ZBTB1: variants seen among roughly 807,000 people sequenced by gnomAD.
ZBTB1 encodes the protein zinc finger and BTB domain-containing protein 1.
A neutral mutation model predicts 51.6 loss-of-function variants in ZBTB1; 13 were observed. The ratio of observed to expected loss-of-function variants is 0.25; its 90% CI spans 0.16 to 0.40. ZBTB1 has a LOEUF of 0.40. ZBTB1 is among the 10% of genes least tolerant of loss of function. The pLI, the probability that ZBTB1 is intolerant of heterozygous loss-of-function variation, is 1.00. For synonymous variants in ZBTB1, 240 were observed against 282.2 expected (o/e 0.85, Z 1.50); for missense variants, 567 against 856.5 (o/e 0.66, Z 4.22).
chr14:64,531,765 G>A (rs557871466), intron 2 of ZBTB1: 3 of 1,509,972 alleles, frequency 2.0e-6, no homozygotes, highest in South Asian at 2.3e-5. Flanking sequence ...TAGTGCCAAA[G>A]CCAAGAAATT....
At chr14:64,506,202 C>T (rs887030516) in intron 1 of ZBTB1, among the ~76,000 whole-genome samples, 6 of 152,158 alleles carry the variant, frequency 3.9e-5, no homozygotes, top group Non-Finnish European at 7.3e-5. Flanking sequence ...AACTGGATGA[C>T]TTTGGGAGCT....
chr14:64,520,420 T>C (rs2079848931), intron 1 of ZBTB1, among the ~76,000 whole-genome samples: 2 of 152,136 alleles, frequency 1.3e-5, no homozygotes, highest in Non-Finnish European at 2.9e-5. Context: ...GCTCAAGCCA[T>C]CCTCCTGCAT....
chr14:64,517,781 ATTT>A lies in ZBTB1; in HGVS notation c.-18-3686_-18-3684del, dbSNP rs10590459. Among the ~76,000 whole-genome samples the A allele has an allele frequency of 1.6e-3, 65 of 41,536 alleles. 1 individual carries two copies. In the South Asian group the frequency reaches 0.017, roughly 11 times the overall value. The allele number at this position is 41,536 out of a possible 152,430, so 27.2% of individuals were successfully genotyped here. A position where few individuals can be genotyped will look rare whatever the true frequency, so the allele number is the denominator to read the frequency against. ...AATATATATATATATATATATATATATTTTTTTTTTTTTTTTTTTTTTGAGACA... is the reference window on the plus strand; with the variant it reads ...AATATATATATATATATATATATATATTTTTTTTTTTTTTTTTTTGAGACA... On this transcript the variant is annotated intron_variant, in intron 1 of 1. Coordinates refer to ENST00000683701, the MANE Select transcript of ZBTB1 (RefSeq NM_001123329.2).
chr14:64,523,517 C>G lies in ZBTB1; in HGVS notation c.2013C>G (p.Phe671Leu). 6.3e-7 allele frequency: 1 copy of G among 1,598,816 alleles called. No individual in the cohort carries two copies. The highest frequency in any genetic ancestry group is 1.3e-5 in the African/African-American group (1 of 74,334). The change falls in exon 2 of 2, where the codon TTC becomes TTG. Residue 671 changes from phenylalanine (F) to leucine (L), a missense_variant. Phe to Leu is a conservative substitution (Grantham distance 22). Around this residue, in one of 5 missense-constraint regions of ZBTB1, gnomAD observed 69 missense variants for 171.8 expected, o/e 0.40. Coordinates refer to ENST00000683701, the MANE Select transcript of ZBTB1 (RefSeq NM_001123329.2). This position sits in a 1 kb window ranked among gnomAD's most constrained non-coding sequence, Gnocchi z 4.5. ...TATGCCAGGTCTGCTTTCAGATATTCCCAAATAATGAACAGTTGGAGCAGC... is the reference window on the plus strand; with the variant it reads ...TATGCCAGGTCTGCTTTCAGATATTGCCAAATAATGAACAGTTGGAGCAGC... Reference protein sequence around the residue: ...ETICQVCFQIFPNNEQLEQHM... With the variant: ...ETICQVCFQILPNNEQLEQHM...
chr14:64,528,560 C>T (rs185575640), downstream of ZBTB1, among the ~76,000 whole-genome samples: 19 of 152,118 alleles, frequency 1.2e-4, no homozygotes, highest in African/African-American at 4.3e-4. Flanking sequence ...CCTTGATAAC[C>T]TGAGGTGCAG....
rs140807884 is a variant in ZBTB1 at position 64,510,987 on chromosome 14, G to A, written c.-19+6041G>A. Among the ~76,000 whole-genome samples the A allele has an allele frequency of 9.5e-3, 1,443 of 152,286 alleles. 10 individuals carry two copies. Among genetic ancestry groups the A allele is most frequent in the Middle Eastern group, 0.037 (11 of 294 alleles). ...TGAGAAATATTTAATGGGAAAATTG[G>A]CAACACTTAATGGTTGATTATGAGG... On this transcript the variant is annotated intron_variant, in intron 1 of 1. Coordinates refer to ENST00000683701, the MANE Select transcript of ZBTB1 (RefSeq NM_001123329.2).
At position 64,524,022 on chromosome 14, in the gene ZBTB1, C is replaced by A; in HGVS notation, c.*376C>A. ...AGGTTATCCTGTGAAATTTTAAACCCAGAATCATTGGCCATTTCTGTTTAA... is the reference window on the plus strand; with the variant it reads ...AGGTTATCCTGTGAAATTTTAAACCAAGAATCATTGGCCATTTCTGTTTAA... On this transcript the variant is annotated 3_prime_UTR_variant, in exon 2 of 2. Coordinates refer to ENST00000683701, the MANE Select transcript of ZBTB1 (RefSeq NM_001123329.2). 1 of 1,003,134 alleles carries A rather than the reference C, an allele frequency of 1.0e-6. No homozygotes were observed. Among genetic ancestry groups the A allele is most frequent in the Non-Finnish European group, 1.2e-6 (1 of 832,436 alleles). 62.1% of individuals were successfully genotyped at this position (1,003,134 alleles called of 1,614,324 possible). A position where few individuals can be genotyped will look rare whatever the true frequency, so the allele number is the denominator to read the frequency against.
intron 1 of ZBTB1, among the ~76,000 whole-genome samples, chr14:64,511,731 G>C (rs896693602): frequency 3.9e-5 from 6 of 152,182 alleles, no homozygotes; most frequent in Non-Finnish European, 7.4e-5. Context: ...TGCAAGTAAA[G>C]AGACAGAAAA....
At chr14:64,527,642 C>T (rs572375942), downstream of ZBTB1, among the ~76,000 whole-genome samples, 112 of 151,294 alleles carry the variant, frequency 7.4e-4, no homozygotes, top group Middle Eastern at 3.4e-3. Flanking sequence ...CGTGGTGGCG[C>T]GCACCTGTAA....
At chr14:64,514,830 T>G (rs1012125550) in intron 1 of ZBTB1, among the ~76,000 whole-genome samples, 1 of 152,198 alleles carries the variant, frequency 6.6e-6, no homozygotes, top group African/African-American at 2.4e-5. Context: ...GTGCCATATA[T>G]AGAGGTTATT....
At chr14:64,511,779 T>G (rs1471395542) in intron 1 of ZBTB1, among the ~76,000 whole-genome samples, 1 of 152,220 alleles carries the variant, frequency 6.6e-6, no homozygotes, top group Admixed American at 6.5e-5. Flanking sequence ...TCCAAAAGCA[T>G]AACAGTCTGA....
intron 1 of ZBTB1, among the ~76,000 whole-genome samples, chr14:64,505,677 A>G (rs1414264600): frequency 3.3e-5 from 5 of 152,162 alleles, no homozygotes; most frequent in Admixed American, 3.3e-4. Flanking sequence ...TACCTAAGCA[A>G]CGCGTGTACA....
intron 1 of ZBTB1, among the ~76,000 whole-genome samples, chr14:64,510,855 A>T (rs2079717633): frequency 1.3e-5 from 2 of 152,222 alleles, no homozygotes; most frequent in African/African-American, 4.8e-5. Flanking sequence ...AGATTACCTG[A>T]GAGTGAAGGA....
chr14:64,504,713 G>A, upstream of ZBTB1: 1 of 371,756 alleles, frequency 2.7e-6, no homozygotes, highest in Non-Finnish European at 4.8e-6. Flanking sequence ...CGCCGCGTAA[G>A]CGGGGCCGGC....
chr14:64,512,137 C>A (rs780999735), intron 1 of ZBTB1, among the ~76,000 whole-genome samples: 3 of 152,090 alleles, frequency 2.0e-5, no homozygotes, highest in Admixed American at 6.6e-5. Flanking sequence ...ATTGAAAAGG[C>A]AAAGGAACAT....
At position 64,518,186 on chromosome 14, in the gene ZBTB1, G is replaced by A. The variant is rs537309847; in HGVS notation, c.-18-3301G>A. ...GCCACATGACAGTGAATTCTGGGGC[G>A]TAGATTTACCTTAAGACTCCTTTTT... On this transcript the variant is annotated intron_variant, in intron 1 of 1. Transcript: ENST00000683701. Among the ~76,000 whole-genome samples the A allele has an allele frequency of 3.1e-4, 47 of 152,186 alleles. No individual in the cohort carries two copies. The South Asian group carries it at 9.3e-3, about 30-fold the overall frequency.
In ZBTB1 at chr14:64,523,719, G is replaced by T. The variant is rs1388644047; in HGVS notation, c.*73G>T. 1.8e-5 allele frequency: 26 copies of T among 1,437,210 alleles called. No individual in the cohort carries two copies. Among genetic ancestry groups the T allele is most frequent in the Non-Finnish European group, 2.3e-5 (25 of 1,094,060 alleles). The allele number at this position is 1,437,210 out of a possible 1,614,324, so 89.0% of individuals were successfully genotyped here. On this transcript the variant is annotated 3_prime_UTR_variant, in exon 2 of 2. Coordinates refer to ENST00000683701, the MANE Select transcript of ZBTB1 (RefSeq NM_001123329.2). The surrounding 1 kb of genome is among the most constrained non-coding windows in gnomAD (Gnocchi z 4.5). ...AAAGCAAAGGATATGAGCTATTTAGGAATTGATTATATAAGATGATTTGTT... is the reference window on the plus strand; with the variant it reads ...AAAGCAAAGGATATGAGCTATTTAGTAATTGATTATATAAGATGATTTGTT...
chr14:64,521,189 C>A (rs989715132), intron 1 of ZBTB1, among the ~76,000 whole-genome samples: 1 of 152,124 alleles, frequency 6.6e-6, no homozygotes, highest in Non-Finnish European at 1.5e-5. Flanking sequence ...AAATTAATGT[C>A]TTTTTTTCTG....
exon 3 of ZBTB1, chr14:64,532,528 T>G (rs540378898): frequency 1.3e-5 from 2 of 152,270 alleles, no homozygotes; most frequent in African/African-American, 4.8e-5. Context: ...AGTCACAATC[T>G]TGATCATTTA....
Sources: gnomAD v4.1 joint callset for allele counts (sites outside exome capture counted in the v4.1 genomes callset) on GRCh38, gnomAD v4.1.1 for gene constraint, gnomAD v4.1.1 regional missense constraint, Gnocchi (gnomAD v3.1) non-coding constraint, MANE v1.5 for transcripts, NCBI Gene and HGNC (gene_info 2026-07-23, HGNC 2026-07-21) for gene names.